The following SYNJ2BP variants were observed in gnomAD, a reference collection of about 807,000 sequenced individuals.
SYNJ2BP encodes synaptojanin 2 binding protein.
SYNJ2BP carries 10 observed loss-of-function variants against 16.9 expected under a neutral mutation model. The observed-to-expected ratio is 0.59, with a 90% CI of 0.36 to 1.00. The LOEUF is 1.00. Among genes scored for constraint, SYNJ2BP ranks in the 50% least tolerant of loss-of-function variants. SYNJ2BP has a pLI of 0.01. For synonymous variants in SYNJ2BP, 54 were observed against 68.4 expected, an observed-to-expected ratio of 0.79 and a Z score of 1.04; for missense variants, 162 against 186.7, an observed-to-expected ratio of 0.87 and a Z score of 0.77.
intron 1 of SYNJ2BP, among the ~76,000 whole-genome samples, chr14:70,409,983 T>C (rs1594962336): frequency 6.7e-6 from 1 of 148,488 alleles, no homozygotes; most frequent in Admixed American, 6.7e-5. Context: ...TCAAGTGTGG[T>C]GGTGCATGTC....
At chr14:70,397,618 G>A (rs568902028) in intron 1 of SYNJ2BP, among the ~76,000 whole-genome samples, 2 of 152,304 alleles carry the variant, frequency 1.3e-5, no homozygotes, top group East Asian at 1.9e-4. Flanking sequence ...TGGGGAACAC[G>A]ATGGCATCTG....
At chr14:70,408,912 C>A (rs896442132) in intron 1 of SYNJ2BP, among the ~76,000 whole-genome samples, 14 of 152,152 alleles carry the variant, frequency 9.2e-5, no homozygotes, top group Middle Eastern at 3.4e-3. Flanking sequence ...CAGGTCACTG[C>A]AACCTTCACC....
rs1254430681 is a variant in SYNJ2BP, at chr14:70,371,113, C to T, written c.*1878G>A. 7 of 152,150 alleles carry T rather than the reference C, an allele frequency of 4.6e-5. No individual in the cohort carries two copies. The highest frequency in any genetic ancestry group is 3.9e-4 in the Admixed American group (6 of 15,286). The allele number at this position is 152,150 out of a possible 1,614,324, so 9.4% of individuals were successfully genotyped here. ...TCTTGCTAACAAAATTATAAAAGGC[C>T]TATAGTATGGCCAATATATTTGGCT... is the stretch of plus-strand genomic sequence containing the variant. On this transcript the variant is annotated 3_prime_UTR_variant, in exon 4 of 4. Coordinates refer to ENST00000256366, the MANE Select transcript of SYNJ2BP (RefSeq NM_018373.3).
At chr14:70,390,950 G>A (rs568865320) in intron 1 of SYNJ2BP, among the ~76,000 whole-genome samples, 5 of 152,036 alleles carry the variant, frequency 3.3e-5, no homozygotes, top group South Asian at 2.1e-4. Context: ...CCTGGGCAAC[G>A]TGGTGAAACC....
chr14:70,402,993 G>A (rs1215119444), intron 1 of SYNJ2BP, among the ~76,000 whole-genome samples: 2 of 152,176 alleles, frequency 1.3e-5, no homozygotes, highest in Non-Finnish European at 2.9e-5. Flanking sequence ...CCTTACCTAT[G>A]TTTAAAGATA....
At chr14:70,404,175 T>A (rs1167691482) in intron 1 of SYNJ2BP, among the ~76,000 whole-genome samples, 1 of 149,458 alleles carries the variant, frequency 6.7e-6, no homozygotes, top group Admixed American at 6.7e-5. Context: ...AATGAAAAAT[T>A]AAAAAAAAAA....
In SYNJ2BP at chr14:70,384,019, G is replaced by A. The variant is rs1010228235; in HGVS notation, c.201+4451C>T. On this transcript the variant is annotated intron_variant, in intron 2 of 3. Transcript: ENST00000256366. ...ATTGCCCAGGCTGGAGTGCAGTGGC[G>A]CGATCTCGGCTCACTGCAAGCTCTG... Among the ~76,000 whole-genome samples, 4 of 151,188 alleles carry A rather than the reference G, an allele frequency of 2.6e-5. No individual in the cohort carries two copies. In the East Asian group the frequency reaches 7.8e-4, roughly 29 times the overall value.
intron 1 of SYNJ2BP, among the ~76,000 whole-genome samples, chr14:70,412,763 G>T (rs966027685): frequency 2.5e-4 from 38 of 151,994 alleles, no homozygotes; most frequent in African/African-American, 8.9e-4. Flanking sequence ...TTTAAAGATG[G>T]CATATCAGGA....
chr14:70,384,043 T>G (rs1435989440), intron 2 of SYNJ2BP, among the ~76,000 whole-genome samples: 1 of 152,000 alleles, frequency 6.6e-6, no homozygotes, highest in East Asian at 1.9e-4. Flanking sequence ...CTGCAAGCTC[T>G]GCCTCCCGGG....
intron 1 of SYNJ2BP, among the ~76,000 whole-genome samples, chr14:70,400,376 A>G (rs1302875822): frequency 2.0e-5 from 3 of 152,226 alleles, no homozygotes; most frequent in East Asian, 3.8e-4. Context: ...TGGAACATAC[A>G]CAAGTATTAT....
chr14:70,404,791 G>A (rs1888313622), intron 1 of SYNJ2BP, among the ~76,000 whole-genome samples: 1 of 152,164 alleles, frequency 6.6e-6, no homozygotes, highest in Admixed American at 6.5e-5. Context: ...TCTTTACATG[G>A]TAACTTTGTG....
chr14:70,372,941 G>C lies in SYNJ2BP; in HGVS notation c.*50C>G. The C allele has an allele frequency of 6.2e-7, 1 of 1,606,936 alleles. No individual in the cohort carries two copies. The highest frequency in any genetic ancestry group is 1.3e-5 in the African/African-American group (1 of 74,986). On this transcript the variant is annotated 3_prime_UTR_variant, in exon 4 of 4. Coordinates refer to ENST00000256366, the MANE Select transcript of SYNJ2BP (RefSeq NM_018373.3). ...GACATGGCAGAATAGCAGGGGTGGA[G>C]GGTGAGTGAAATGTATCTTCATTGG...
In SYNJ2BP at chr14:70,417,062, G is replaced by A; in HGVS notation, c.-99C>T. The A allele has an allele frequency of 2.5e-6, 4 of 1,582,408 alleles. No homozygotes were observed. The highest frequency in any genetic ancestry group is 1.7e-5 in the Admixed American group (1 of 58,160). Reference sequence around the variant, plus strand: ...GCTGCGCCCACAGCACAGCGGTTTCGGTTTCAGCAGCCTCGAGACCCGGAA... The same window carrying A: ...GCTGCGCCCACAGCACAGCGGTTTCAGTTTCAGCAGCCTCGAGACCCGGAA... On this transcript the variant is annotated 5_prime_UTR_variant, in exon 1 of 4. Transcript: ENST00000256366.
chr14:70,376,907 C>A (rs1030490839), intron 2 of SYNJ2BP, among the ~76,000 whole-genome samples: 1 of 152,182 alleles, frequency 6.6e-6, no homozygotes, highest in Non-Finnish European at 1.5e-5. Flanking sequence ...TTTTCCTTGT[C>A]GCAATCTTCC....
At chr14:70,377,898 C>G (rs1887667513) in intron 2 of SYNJ2BP, among the ~76,000 whole-genome samples, 1 of 152,212 alleles carries the variant, frequency 6.6e-6, no homozygotes, top group South Asian at 2.1e-4. Context: ...GTTCTAAGAA[C>G]TGTTTGCATG....
intron 3 of SYNJ2BP, among the ~76,000 whole-genome samples, chr14:70,374,772 C>A (rs1334869096): frequency 2.0e-5 from 3 of 152,044 alleles, no homozygotes; most frequent in African/African-American, 4.8e-5. Context: ...TACCAGAAAA[C>A]CCACCATCTT....
intron 1 of SYNJ2BP, among the ~76,000 whole-genome samples, chr14:70,408,906 T>C (rs1459747972): frequency 6.6e-6 from 1 of 151,892 alleles, no homozygotes. Context: ...CGATCTCAGG[T>C]CACTGCAACC....
intron 1 of SYNJ2BP, among the ~76,000 whole-genome samples, 191 bp from the exon 2 acceptor site, chr14:70,388,797 T>TG (rs1887916787): frequency 6.6e-6 from 1 of 152,146 alleles, no homozygotes; most frequent in South Asian, 2.1e-4. Flanking sequence ...AGTATTGAGT[T>TG]GCTCACTCAA....
chr14:70,378,712 T>C (rs1460019405), intron 2 of SYNJ2BP, among the ~76,000 whole-genome samples: 1 of 152,182 alleles, frequency 6.6e-6, no homozygotes, highest in Non-Finnish European at 1.5e-5. Context: ...TTCTTTCCTA[T>C]TGCCTATTTT....
Sources: gnomAD v4.1 joint callset for allele counts (sites outside exome capture counted in the v4.1 genomes callset) on GRCh38, gnomAD v4.1.1 for gene constraint, MANE v1.5 for transcripts, NCBI Gene and HGNC (gene_info 2026-07-23, HGNC 2026-07-21) for gene names.